Variants in GABPB1 observed in about 807,000 individuals in gnomAD.
The protein encoded by GABPB1 is GA binding protein transcription factor subunit beta 1.
GABPB1 carries 15 observed loss-of-function variants against 45.9 expected under a neutral mutation model. That is an observed-to-expected ratio of 0.33 (90% CI 0.22 to 0.50). The LOEUF is 0.50. Among genes scored for constraint, GABPB1 ranks in the 20% least tolerant of loss-of-function variants. The probability of loss-of-function intolerance (pLI) is 0.98; values close to 1 mark genes in which losing one functional copy is unlikely to be tolerated. For missense variants in GABPB1, 252 were observed against 457.5 expected (o/e 0.55, Z 4.10); for synonymous variants, 143 against 154.4 (o/e 0.93, Z 0.55).
At chr15:50,296,608 A>G (rs2046520237) in intron 6 of GABPB1, among the ~76,000 whole-genome samples, 1 of 152,210 alleles carries the variant, frequency 6.6e-6, no homozygotes, top group Non-Finnish European at 1.5e-5. Flanking sequence ...TTCTCTACTT[A>G]ATAGCCATAT....
chr15:50,348,412 G>C (rs1241904695), intron 1 of GABPB1, among the ~76,000 whole-genome samples: 1 of 152,040 alleles, frequency 6.6e-6, no homozygotes, highest in African/African-American at 2.4e-5. Context: ...CACCACGTCT[G>C]GCTAATTTTT....
At chr15:50,354,431 C>G (rs1242911053) in intron 1 of GABPB1, 2 of 450,140 alleles carry the variant, frequency 4.4e-6, no homozygotes, top group Middle Eastern at 3.5e-4. Context: ...GCCTCTCGGC[C>G]CCGCAGCACA....
chr15:50,317,809 T>C (rs2047399471), intron 1 of GABPB1, among the ~76,000 whole-genome samples: 1 of 151,130 alleles, frequency 6.6e-6, no homozygotes, highest in Non-Finnish European at 1.5e-5. Context: ...CTCGGGAGGC[T>C]GAGGCAGGAG....
intron 6 of GABPB1, among the ~76,000 whole-genome samples, chr15:50,292,846 ATGTGTG>A (rs3985830): frequency 2.7e-5 from 4 of 149,832 alleles, no homozygotes; most frequent in East Asian, 3.9e-4. Flanking sequence ...AAGTGTGTAT[ATGTGTG>A]TGTGTGTGTG....
At chr15:50,316,486 A>T (rs2047333666) in intron 1 of GABPB1, among the ~76,000 whole-genome samples, 2 of 152,216 alleles carry the variant, frequency 1.3e-5, no homozygotes, top group Non-Finnish European at 1.5e-5. Context: ...CTTTACTCAC[A>T]TTAAAAATTT....
rs2140986733 is a variant in GABPB1 at position 50,289,658 on chromosome 15, T to C, written c.708A>G (p.Thr236=). The change falls in exon 7 of 9, where the codon ACA becomes ACG. Residue 236 remains threonine, a synonymous_variant. Coordinates refer to ENST00000380877, the MANE Select transcript of GABPB1 (RefSeq NM_016654.5). ...SNSSETPVVA[T]EEVVTAESVD... ...CAGATTCTGCAGTAACTACTTCTTC[T>C]GTGGCCACTACTGGAAAAAAAAAAA... 5 of 1,607,422 alleles carry C rather than the reference T, an allele frequency of 3.1e-6. No individual in the cohort carries two copies. The highest frequency in any genetic ancestry group is 4.2e-6 in the Non-Finnish European group (5 of 1,177,724).
chr15:50,346,790 C>CTTTTT (rs796246086), intron 1 of GABPB1, among the ~76,000 whole-genome samples: 2,104 of 133,346 alleles, frequency 0.016, 92 homozygotes, highest in African/African-American at 0.058. Flanking sequence ...TGTCTGGAGT[C>CTTTTT]TTTTTTTTTT....
At chr15:50,292,314 CAAAAAA>C (rs762047613) in intron 6 of GABPB1, among the ~76,000 whole-genome samples, 2 of 49,568 alleles carry the variant, frequency 4.0e-5, no homozygotes, top group East Asian at 4.8e-4. Flanking sequence ...GACTCCATCT[CAAAAAA>C]AAAAAAAAAA....
chr15:50,343,640 G>A (rs1254775855), intron 1 of GABPB1, among the ~76,000 whole-genome samples: 1 of 152,062 alleles, frequency 6.6e-6, no homozygotes, highest in East Asian at 1.9e-4. Flanking sequence ...CCAGGTTCAA[G>A]CGATTCTCCT....
intron 1 of GABPB1, chr15:50,354,545 A>T (rs754335588): frequency 6.9e-5 from 31 of 448,306 alleles, no homozygotes; most frequent in African/African-American, 6.0e-4. Context: ...CCAGAGGCCG[A>T]GGCCCAGCCG....
intron 7 of GABPB1, among the ~76,000 whole-genome samples, chr15:50,288,824 CT>C (rs934443995): frequency 2.6e-4 from 39 of 147,662 alleles, no homozygotes; most frequent in African/African-American, 5.2e-4. Context: ...CTAAGTCCAC[CT>C]TTTTTTTTTT....
intron 6 of GABPB1, among the ~76,000 whole-genome samples, chr15:50,298,482 A>G (rs1316228988): frequency 1.3e-5 from 2 of 152,264 alleles, no homozygotes; most frequent in Non-Finnish European, 2.9e-5. Context: ...TTCTGCAATT[A>G]CATAAGTATT....
At chr15:50,308,576 C>T (rs1354948381) in intron 2 of GABPB1, among the ~76,000 whole-genome samples, 1 of 152,164 alleles carries the variant, frequency 6.6e-6, no homozygotes, top group African/African-American at 2.4e-5. Flanking sequence ...ATAAGATCTC[C>T]TATCAGACTT....
intron 6 of GABPB1, among the ~76,000 whole-genome samples, chr15:50,297,672 TA>T (rs571911216): frequency 1.3e-5 from 2 of 152,034 alleles, no homozygotes; most frequent in Non-Finnish European, 2.9e-5. Flanking sequence ...CCATCTCTAC[TA>T]AAAATACAAA....
In GABPB1 at chr15:50,278,798, G is replaced by A; in HGVS notation, c.1000-14C>T. On this transcript the variant is annotated splice_polypyrimidine_tract_variant and intron_variant, in intron 8 of 8. Transcript: ENST00000380877. ...AGCTTCTCTCTCCTAATTAAAAGAA[G>A]AGGGTTTTTTTTTTAATTTTTGCAA... is the stretch of plus-strand genomic sequence containing the variant. The A allele has an allele frequency of 2.0e-6, 3 of 1,506,100 alleles. No individual in the cohort carries two copies. The highest frequency in any genetic ancestry group is 2.6e-6 in the Non-Finnish European group (3 of 1,138,436). The allele number at this position is 1,506,100 out of a possible 1,614,324, so 93.3% of individuals were successfully genotyped here. A position where few individuals can be genotyped will look rare whatever the true frequency, so the allele number is the denominator to read the frequency against.
At chr15:50,340,995 C>CATATGGTTTATTACCATATGTA (rs1567546183) in intron 1 of GABPB1, among the ~76,000 whole-genome samples, 3 of 123,338 alleles carry the variant, frequency 2.4e-5, no homozygotes, top group Non-Finnish European at 5.4e-5. Context: ...TGTAATATTA[C>CATATGGTTTATTACCATATGTA]ATATTACATA....
In GABPB1 at chr15:50,276,596, C is replaced by G. The variant is rs1011177151; in HGVS notation, c.*2036G>C. 4 of 152,212 alleles carry G rather than the reference C, an allele frequency of 2.6e-5. No homozygotes were observed. The highest frequency in any genetic ancestry group is 3.2e-3 in the Middle Eastern group (1 of 316). The allele number at this position is 152,212 out of a possible 1,614,324, so 9.4% of individuals were successfully genotyped here. On this transcript the variant is annotated 3_prime_UTR_variant, in exon 9 of 9. Transcript: ENST00000380877. ...TTATTTCTTGCACCAGGTAAAGTCT[C>G]CAGCAGGAGAGGAGACTGGAAGTCA...
chr15:50,284,214 C>G (rs1044892265), intron 8 of GABPB1, among the ~76,000 whole-genome samples: 10 of 152,124 alleles, frequency 6.6e-5, no homozygotes, highest in African/African-American at 2.4e-4. Context: ...GAAATTATTA[C>G]CTGGTTTGGT....
intron 1 of GABPB1, among the ~76,000 whole-genome samples, chr15:50,317,683 G>C (rs537624324): frequency 1.3e-5 from 2 of 152,134 alleles, no homozygotes; most frequent in African/African-American, 4.8e-5. Flanking sequence ...GCCGAGGCGG[G>C]TGGATCACGA....
Sources: allele counts gnomAD v4.1 joint callset (sites outside exome capture counted in the v4.1 genomes callset), GRCh38; gene constraint gnomAD v4.1.1; transcripts MANE v1.5; gene names NCBI Gene and HGNC (gene_info 2026-07-23, HGNC 2026-07-21).